Variants in TAOK3 observed in about 807,000 individuals in gnomAD.
TAOK3 encodes serine/threonine-protein kinase TAO3.
Under a neutral mutation model 120.4 loss-of-function variants are expected in TAOK3, and 40 were observed. The ratio of observed to expected loss-of-function variants is 0.33; its 90% CI spans 0.26 to 0.43. The LOEUF is 0.43. Ranked by LOEUF, TAOK3 falls within the 20% of genes least tolerant of loss-of-function variation. The pLI is 1.00. For synonymous variants in TAOK3, 355 were observed against 387.5 expected, an observed-to-expected ratio of 0.92 and a Z score of 0.99; for missense variants, 821 against 1,112.1, an observed-to-expected ratio of 0.74 and a Z score of 3.72.
In TAOK3 at chr12:118,150,906, C is replaced by T. The variant is rs1183146450; in HGVS notation, c.*91G>A. The T allele has an allele frequency of 1.3e-5, 17 of 1,270,540 alleles. No individual in the cohort carries two copies. The South Asian group carries it at 1.5e-4, about 11-fold the overall frequency. The allele number at this position is 1,270,540 out of a possible 1,614,324, so 78.7% of individuals were successfully genotyped here. On this transcript the variant is annotated 3_prime_UTR_variant, in exon 21 of 21. Coordinates refer to ENST00000392533, the MANE Select transcript of TAOK3 (RefSeq NM_016281.4). Reference sequence around the variant, plus strand: ...AGAGAGAGAGAGTGAGAGCAACGCCCGTTAAAATGGGGAATGTGGTTTTGC... The same window carrying T: ...AGAGAGAGAGAGTGAGAGCAACGCCTGTTAAAATGGGGAATGTGGTTTTGC...
intron 5 of TAOK3, among the ~76,000 whole-genome samples, chr12:118,241,968 G>A (rs189664731): frequency 6.6e-6 from 1 of 151,896 alleles, no homozygotes; most frequent in Admixed American, 6.6e-5. Flanking sequence ...AAATTAGCCG[G>A]GTGTGGTACT....
chr12:118,331,563 T>G (rs1027261871), intron 1 of TAOK3, among the ~76,000 whole-genome samples: 4 of 149,024 alleles, frequency 2.7e-5, no homozygotes, highest in Non-Finnish European at 4.4e-5. Context: ...AAGAATCATT[T>G]GAACTGGGGA....
intron 1 of TAOK3, among the ~76,000 whole-genome samples, chr12:118,284,256 A>G (rs1218416408): frequency 6.6e-6 from 1 of 152,212 alleles, no homozygotes; most frequent in Non-Finnish European, 1.5e-5. Flanking sequence ...ATTGGAATAG[A>G]AGGAGACTAG....
chr12:118,253,610 G>A (rs1190428824), intron 3 of TAOK3, among the ~76,000 whole-genome samples: 1 of 151,948 alleles, frequency 6.6e-6, no homozygotes, highest in East Asian at 1.9e-4. Context: ...GATGGCAGGT[G>A]TCTGTAATCC....
At chr12:118,202,194 TCA>T (rs1212737327) in intron 11 of TAOK3, among the ~76,000 whole-genome samples, 2 of 149,590 alleles carry the variant, frequency 1.3e-5, no homozygotes, top group Non-Finnish European at 3.0e-5. Flanking sequence ...AATAAAATAT[TCA>T]GTCATATATA....
At chr12:118,175,413 G>A (rs963145966) in intron 16 of TAOK3, among the ~76,000 whole-genome samples, 27 of 152,064 alleles carry the variant, frequency 1.8e-4, no homozygotes, top group Admixed American at 1.3e-4. Context: ...ATTACCTGAG[G>A]TCAGGAGTTC....
At chr12:118,336,840 C>T (rs150935788) in intron 1 of TAOK3, among the ~76,000 whole-genome samples, 5 of 152,180 alleles carry the variant, frequency 3.3e-5, no homozygotes, top group South Asian at 2.1e-4. Flanking sequence ...GGGAAGCCGA[C>T]GCAGGAGGAT....
At chr12:118,275,870 T>C (rs544509904) in intron 1 of TAOK3, among the ~76,000 whole-genome samples, 1 of 152,012 alleles carries the variant, frequency 6.6e-6, no homozygotes, top group African/African-American at 2.4e-5. Flanking sequence ...ACCTGAAAGA[T>C]GAAGGAAGTG....
rs766473288 is a variant in TAOK3, at chr12:118,160,299, C to T, written c.2199G>A (p.Gln733=). The T allele has an allele frequency of 3.7e-6, 6 of 1,614,196 alleles. No homozygotes were observed. The highest frequency in any genetic ancestry group is 4.5e-5 in the East Asian group (2 of 44,884). The change falls in exon 19 of 21, where the codon CAG becomes CAA. Residue 733 remains glutamine (Q), a synonymous_variant. Coordinates refer to ENST00000392533, the MANE Select transcript of TAOK3 (RefSeq NM_016281.4). The surrounding 1 kb of genome is among the most constrained non-coding windows in gnomAD (Gnocchi z 4.2). The stretch of plus-strand genomic sequence containing the variant: ...ACTGGTGATTCTTGAGTGCTTTATA[C>T]TGTTTGGTCTGTACTTTGCAAGTGT... ...FQDTCKVQTK[Q]YKALKNHQLE... is the part of the protein sequence containing the mutation.
At chr12:118,314,855 T>C (rs1860193810) in intron 1 of TAOK3, among the ~76,000 whole-genome samples, 1 of 152,190 alleles carries the variant, frequency 6.6e-6, no homozygotes, top group Non-Finnish European at 1.5e-5. Flanking sequence ...AATTTAGCAC[T>C]ATCTAGTGAA....
rs766286331 is a variant in TAOK3, at chr12:118,172,531, C to T, written c.1825G>A (p.Asp609Asn). 10 of 1,614,116 alleles carry T rather than the reference C, an allele frequency of 6.2e-6. No individual in the cohort carries two copies. Among genetic ancestry groups the T allele is most frequent in the Non-Finnish European group, 8.5e-6 (10 of 1,180,022 alleles). ...CGCTTGAAGAAACGACAATTTTTGTCGTAGTACAGTCTCTGTTGAGTGAGA... is the reference window on the plus strand; with the variant it reads ...CGCTTGAAGAAACGACAATTTTTGTTGTAGTACAGTCTCTGTTGAGTGAGA... ...HLLTQQRLYY[D>N]KNCRFFKRKI... The change falls in exon 17 of 21, where the codon GAC becomes AAC. Residue 609 changes from aspartate (D) to asparagine (N), a missense_variant. Around this residue, in one of 2 missense-constraint regions of TAOK3, gnomAD observed 354 missense variants for 572.1 expected, o/e 0.62. Transcript: ENST00000392533.
rs182821734 is a variant in TAOK3, at chr12:118,292,704, G to A, written c.-193-25945C>T. On this transcript the variant is annotated intron_variant, in intron 1 of 20. Coordinates refer to ENST00000392533, the MANE Select transcript of TAOK3 (RefSeq NM_016281.4). ...CATGACATGAAGGATTTCAGAATTA[G>A]TGGCTTGATAAATTATAAAGAACTA... Among the ~76,000 whole-genome samples the A allele has an allele frequency of 2.0e-5, 3 of 152,262 alleles. No homozygotes were observed. The East Asian group carries it at 5.8e-4, about 29-fold the overall frequency.
chr12:118,296,912 T>C (rs1051955656), intron 1 of TAOK3: 1 of 152,190 alleles, frequency 6.6e-6, no homozygotes, highest in Non-Finnish European at 1.5e-5. Context: ...CTGGCTACTA[T>C]AGTGTTTTAG....
In TAOK3 at chr12:118,209,052, A is replaced by G. The variant is rs985522946; in HGVS notation, c.819+3862T>C. ...TATTCTTATACAGGGACAAAATGCC[A>G]TATACACAAAGATATTCATTACGGC... On this transcript the variant is annotated intron_variant, in intron 11 of 20. Coordinates refer to ENST00000392533, the MANE Select transcript of TAOK3 (RefSeq NM_016281.4). Among the ~76,000 whole-genome samples, 10 of 152,276 alleles carry G rather than the reference A, an allele frequency of 6.6e-5. No individual in the cohort carries two copies. In the East Asian group the frequency reaches 1.7e-3, roughly 26 times the overall value.
At chr12:118,339,019 G>C (rs1293873848) in intron 1 of TAOK3, among the ~76,000 whole-genome samples, 1 of 152,022 alleles carries the variant, frequency 6.6e-6, no homozygotes, top group Non-Finnish European at 1.5e-5. Flanking sequence ...GTGGTGTGCT[G>C]CTTGAGTTTA....
chr12:118,174,335 C>T (rs1006898210), intron 16 of TAOK3, among the ~76,000 whole-genome samples: 2 of 150,406 alleles, frequency 1.3e-5, no homozygotes, highest in Non-Finnish European at 2.9e-5. Flanking sequence ...TTAGCTTTTG[C>T]ATAGAATGGT....
At chr12:118,331,875 C>T (rs1158700184) in intron 1 of TAOK3, among the ~76,000 whole-genome samples, 1 of 148,736 alleles carries the variant, frequency 6.7e-6, no homozygotes. Context: ...CACCCAGGCT[C>T]GAGTGCAATG....
chr12:118,230,397 T>C (rs1479038220), intron 9 of TAOK3, among the ~76,000 whole-genome samples: 1 of 151,570 alleles, frequency 6.6e-6, no homozygotes, highest in East Asian at 1.9e-4. Flanking sequence ...GTTCAAATTC[T>C]ATTTCTCCAA....
intron 1 of TAOK3, among the ~76,000 whole-genome samples, chr12:118,292,587 C>A (rs914564232): frequency 2.6e-5 from 4 of 152,184 alleles, no homozygotes; most frequent in Non-Finnish European, 5.9e-5. Flanking sequence ...CCCAACTTCA[C>A]AGAACATGGA....
Sources: gnomAD v4.1 joint callset for allele counts (sites outside exome capture counted in the v4.1 genomes callset) on GRCh38, gnomAD v4.1.1 for gene constraint, gnomAD v4.1.1 regional missense constraint, Gnocchi (gnomAD v3.1) non-coding constraint, MANE v1.5 for transcripts, NCBI Gene and HGNC (gene_info 2026-07-23, HGNC 2026-07-21) for gene names.